CAPN13: variants seen among roughly 807,000 people sequenced by gnomAD.
The protein encoded by CAPN13 is calpain-13.
CAPN13 carries 90 observed loss-of-function variants against 98.4 expected under a neutral mutation model. The ratio of observed to expected loss-of-function variants is 0.92; its 90% confidence interval spans 0.77 to 1.09. The LOEUF (loss-of-function observed/expected upper bound fraction) is 1.09, where lower values mean the gene tolerates loss of function less well. Among genes scored for constraint, CAPN13 ranks in the 50% least tolerant of loss-of-function variants. The pLI is 0.00. For synonymous variants in CAPN13, 330 were observed against 305.5 expected (o/e 1.08, Z -0.84); for missense variants, 887 against 841.3 (o/e 1.05, Z -0.67).
At chr2:30,803,640 C>T (rs1416437281) in intron 1 of CAPN13, among the ~76,000 whole-genome samples, 3 of 152,228 alleles carry the variant, frequency 2.0e-5, no homozygotes, top group Admixed American at 6.5e-5. Context: ...GTCACCCCAG[C>T]CACTACCGTG....
intron 22 of CAPN13, among the ~76,000 whole-genome samples, chr2:30,728,158 C>A (rs949720229): frequency 6.7e-6 from 1 of 149,786 alleles, no homozygotes; most frequent in African/African-American, 2.5e-5. Context: ...GAGGGTGGGA[C>A]ACAATTGGGG....
intron 8 of CAPN13, among the ~76,000 whole-genome samples, chr2:30,756,594 T>C (rs555035193): frequency 1.3e-5 from 2 of 152,170 alleles, no homozygotes; most frequent in Non-Finnish European, 2.9e-5. Context: ...TCTACTTCTA[T>C]CCCAAGAGGC....
chr2:30,743,372 G>T lies in CAPN13; in HGVS notation c.1445+11C>A. The T allele has an allele frequency of 6.2e-7, 1 of 1,605,420 alleles. No homozygotes were observed. Among genetic ancestry groups the T allele is most frequent in the Non-Finnish European group, 8.5e-7 (1 of 1,172,162 alleles). On this transcript the variant is annotated intron_variant, in intron 13 of 22. Coordinates refer to ENST00000295055, the MANE Select transcript of CAPN13 (RefSeq NM_144575.3). ...AGAATAAAACATTTACAATCCCAGA[G>T]GGTTCTGTACCTGTCACTGTCTGGC...
At chr2:30,800,972 C>A (rs1265840615) in intron 1 of CAPN13, among the ~76,000 whole-genome samples, 1 of 151,902 alleles carries the variant, frequency 6.6e-6, no homozygotes, top group African/African-American at 2.4e-5. Flanking sequence ...TTTCTTTTTT[C>A]ATCCTTGAAG....
intron 2 of CAPN13, 21 bp downstream of exon 2, chr2:30,787,107 G>T (rs1459551477): frequency 1.3e-6 from 2 of 1,531,578 alleles, no homozygotes; most frequent in African/African-American, 1.4e-5. Flanking sequence ...AGCTGGGTAT[G>T]CTCGTGTGGG....
Position 30,753,168 on chromosome 2 carries a change from G to A in CAPN13, c.972C>T (p.Phe324=). 1 of 1,614,036 alleles carries A rather than the reference G, an allele frequency of 6.2e-7. No homozygotes were observed. Among genetic ancestry groups the A allele is most frequent in the African/African-American group, 1.3e-5 (1 of 75,066 alleles). The part of the protein sequence containing the change: ...WMSCQDFQQK[F]IAMFICSEIP... ...TTTCGCTACATATAAACATGGCGAT[G>A]AATTTCTGTTGGAAATCTTGACACG... Residue 324 remains phenylalanine, a synonymous_variant, in exon 10 of 23, where the codon TTC becomes TTT. Coordinates refer to ENST00000295055, the MANE Select transcript of CAPN13 (RefSeq NM_144575.3).
chr2:30,770,727 C>T (rs940574662), intron 4 of CAPN13, among the ~76,000 whole-genome samples: 4 of 152,234 alleles, frequency 2.6e-5, no homozygotes, highest in African/African-American at 9.6e-5. Context: ...AGCGTTGCCT[C>T]TCTTTGGCAA....
chr2:30,734,630 G>T, intron 18 of CAPN13, 106 bp from the exon 19 acceptor site: 1 of 839,482 alleles, frequency 1.2e-6, no homozygotes, highest in South Asian at 1.5e-5. Flanking sequence ...GGAAGGCACG[G>T]TCACAGCACT....
chr2:30,745,189 T>C, intron 12 of CAPN13: 1 of 472,230 alleles, frequency 2.1e-6, no homozygotes, highest in Non-Finnish European at 4.4e-6. Flanking sequence ...GGATAGGTAT[T>C]CCAAACTCCA....
intron 10 of CAPN13, 60 bp from the exon 11 acceptor site, chr2:30,751,311 C>T (rs1049622416): frequency 1.9e-6 from 3 of 1,585,388 alleles, no homozygotes; most frequent in Non-Finnish European, 2.6e-6. Flanking sequence ...CTGGGCAGGG[C>T]CATGTCCAGT....
intron 11 of CAPN13, among the ~76,000 whole-genome samples, chr2:30,748,137 A>G (rs1390155245): frequency 6.6e-6 from 1 of 152,216 alleles, no homozygotes. Flanking sequence ...GCTCAGAAGA[A>G]GGAAGAGTTG....
intron 15 of CAPN13, chr2:30,741,650 C>G: frequency 7.5e-7 from 1 of 1,330,744 alleles, no homozygotes; most frequent in South Asian, 1.8e-5. Flanking sequence ...CACCTCACAC[C>G]CCATAATTAT....
At chr2:30,801,625 A>G (rs6737653) in intron 1 of CAPN13, among the ~76,000 whole-genome samples, 2,090 of 138,078 alleles carry the variant, frequency 0.015, 48 homozygotes, top group African/African-American at 0.065. Context: ...AAAAAAAAAA[A>G]AAGAAGAAGA....
At chr2:30,805,254 A>G (rs557077882) in intron 1 of CAPN13, among the ~76,000 whole-genome samples, 1 of 152,342 alleles carries the variant, frequency 6.6e-6, no homozygotes, top group East Asian at 1.9e-4. Context: ...AGACTCTTCC[A>G]AGGCACAATG....
chr2:30,795,983 C>T (rs796939944), intron 1 of CAPN13, among the ~76,000 whole-genome samples: 16 of 151,654 alleles, frequency 1.1e-4, no homozygotes, highest in African/African-American at 3.6e-4. Context: ...CTGAAATAGA[C>T]TTGCAGAGAA....
intron 21 of CAPN13, among the ~76,000 whole-genome samples, chr2:30,731,085 T>C (rs541831262): frequency 1.3e-5 from 2 of 152,228 alleles, no homozygotes; most frequent in African/African-American, 4.8e-5. Flanking sequence ...GCTGTCCTTC[T>C]GTTCCCTCCT....
In CAPN13 at chr2:30,732,584, C is replaced by T. The variant is rs761685160; in HGVS notation, c.1799-18G>A. 30 of 1,601,068 alleles carry T rather than the reference C, an allele frequency of 1.9e-5. No individual in the cohort carries two copies. The East Asian group carries it at 2.3e-4, about 12-fold the overall frequency. ...GAGGAAGTCTGGGGCCACAGGTGAA[C>T]GAGTGAGTGAGAGGAGGCTAGGGCT... is the stretch of plus-strand genomic sequence containing the variant. On this transcript the variant is annotated intron_variant, in intron 19 of 22. Transcript: ENST00000295055.
At chr2:30,786,523 T>A (rs1674290384) in intron 2 of CAPN13, among the ~76,000 whole-genome samples, 1 of 152,148 alleles carries the variant, frequency 6.6e-6, no homozygotes, top group Non-Finnish European at 1.5e-5. Flanking sequence ...GGCCATCTGC[T>A]GGGGTTGTGG....
chr2:30,723,980 T>C (rs1670776044), intron 22 of CAPN13, among the ~76,000 whole-genome samples: 1 of 152,200 alleles, frequency 6.6e-6, no homozygotes, highest in Admixed American at 6.5e-5. Context: ...AAACTCTTTC[T>C]TCTGATGTTT....
Sources: gnomAD v4.1 joint callset for allele counts (sites outside exome capture counted in the v4.1 genomes callset) on GRCh38, gnomAD v4.1.1 for gene constraint, MANE v1.5 for transcripts, NCBI Gene and HGNC (gene_info 2026-07-23, HGNC 2026-07-21) for gene names.